Variants in GOLPH3L observed in about 807,000 individuals in gnomAD.
GOLPH3L encodes golgi phosphoprotein 3 like.
Under a neutral mutation model 30.3 loss-of-function variants are expected in GOLPH3L, and 22 were observed. That is an observed-to-expected ratio of 0.73 (90% CI 0.52 to 1.04). GOLPH3L has a LOEUF of 1.04. Ranked by LOEUF, GOLPH3L falls within the 50% of genes least tolerant of loss-of-function variation. GOLPH3L has a pLI of 0.00. For missense variants in GOLPH3L, 303 were observed against 345.8 expected (o/e 0.88, Z 0.98); for synonymous variants, 120 against 128.2 (o/e 0.94, Z 0.43).
Position 150,648,596 on chromosome 1 carries a change from C to T in GOLPH3L, c.583G>A (p.Glu195Lys). Reference sequence around the variant, plus strand: ...AGTTTTTTCACTAGTCGCTGTTTCTCTGTTGTATTGGTCACTGGATGAGTA... The same window carrying T: ...AGTTTTTTCACTAGTCGCTGTTTCTTTGTTGTATTGGTCACTGGATGAGTA... The part of the protein sequence containing the change: ...MTTHPVTNTT[E>K]KQRLVKKLQD... The change falls in exon 5 of 5, where the codon GAG (glutamate) becomes AAG (lysine). Residue 195 changes from glutamate to lysine, a missense_variant. Transcript: ENST00000271732. 2.5e-6 allele frequency: 4 copies of T among 1,614,040 alleles called. No individual in the cohort carries two copies. The highest frequency in any genetic ancestry group is 3.4e-6 in the Non-Finnish European group (4 of 1,179,976).
At chr1:150,671,574 AGGCGGGC>A (rs1650644542) in intron 2 of GOLPH3L, among the ~76,000 whole-genome samples, 2 of 152,060 alleles carry the variant, frequency 1.3e-5, no homozygotes, top group African/African-American at 4.8e-5. Flanking sequence ...TGGGAGGCCA[AGGCGGGC>A]GGATCACCTA....
At chr1:150,667,215 T>G (rs1213525791) in intron 2 of GOLPH3L, among the ~76,000 whole-genome samples, 1 of 152,198 alleles carries the variant, frequency 6.6e-6, no homozygotes, top group African/African-American at 2.4e-5. Context: ...TCTTGGATTT[T>G]AATTTTGGTG....
At chr1:150,693,657 A>C (rs892287096) in intron 2 of GOLPH3L, among the ~76,000 whole-genome samples, 5 of 151,680 alleles carry the variant, frequency 3.3e-5, no homozygotes, top group Admixed American at 3.3e-4. Flanking sequence ...TGGTTATATC[A>C]CAAGACTCAG....
At chr1:150,663,823 G>A (rs2101790512) in intron 2 of GOLPH3L, 60 bp from the exon 3 acceptor site, 1 of 1,491,620 alleles carries the variant, frequency 6.7e-7, no homozygotes, top group Admixed American at 1.7e-5. Context: ...ACTTCCAGCA[G>A]GCACCCTAAG....
intron 2 of GOLPH3L, among the ~76,000 whole-genome samples, chr1:150,678,261 G>T (rs1383463645): frequency 1.1e-5 from 1 of 92,876 alleles, no homozygotes; most frequent in East Asian, 2.9e-4. Context: ...ATCGCCTTGG[G>T]CAACAAGATC....
rs980430062 is a variant in GOLPH3L, at chr1:150,661,152, C to T, written c.430+662G>A. On this transcript the variant is annotated intron_variant, in intron 4 of 4. Coordinates refer to ENST00000271732, the MANE Select transcript of GOLPH3L (RefSeq NM_018178.6). Reference sequence around the variant, plus strand: ...CTGAGGCAGGAGAATTGCTTGAACCCGGGAGGCAGAGGTTGCAGTGAGCTG... The same window carrying T: ...CTGAGGCAGGAGAATTGCTTGAACCTGGGAGGCAGAGGTTGCAGTGAGCTG... Among the ~76,000 whole-genome samples, 11 of 152,186 alleles carry T rather than the reference C, an allele frequency of 7.2e-5. No individual in the cohort carries two copies. The South Asian group carries it at 1.9e-3, about 26-fold the overall frequency.
chr1:150,672,049 A>C (rs587760939), intron 2 of GOLPH3L, among the ~76,000 whole-genome samples: 1 of 152,088 alleles, frequency 6.6e-6, no homozygotes, highest in Non-Finnish European at 1.5e-5. Flanking sequence ...ATCACTTTTT[A>C]AAGGAAAATT....
chr1:150,658,101 C>A (rs1208045766), intron 4 of GOLPH3L, among the ~76,000 whole-genome samples: 2 of 152,302 alleles, frequency 1.3e-5, no homozygotes. Flanking sequence ...TTATCATGAG[C>A]CAGATGCCGA....
intron 3 of GOLPH3L, 72 bp downstream of exon 3, chr1:150,663,546 ACTACTCAAATCTTT>A: frequency 8.2e-7 from 1 of 1,213,038 alleles, no homozygotes. Context: ...ATTTTATCTT[ACTACTCAAATCTTT>A]CTATTCTTCC....
intron 2 of GOLPH3L, among the ~76,000 whole-genome samples, chr1:150,666,580 T>G (rs891018299): frequency 1.3e-5 from 2 of 152,016 alleles, no homozygotes; most frequent in African/African-American, 4.8e-5. Context: ...TCAGGTGATC[T>G]GCCTGCCTCA....
In GOLPH3L at chr1:150,648,347, C is replaced by T. The variant is rs752741549; in HGVS notation, c.832G>A (p.Val278Met). The change falls in exon 5 of 5, where the codon GTG becomes ATG. Residue 278 changes from valine (V) to methionine (M), a missense_variant. Coordinates refer to ENST00000271732, the MANE Select transcript of GOLPH3L (RefSeq NM_018178.6). The stretch of plus-strand genomic sequence containing the variant: ...TAAGATTTATTGAAGGCTGCCAGCA[C>T]AGCCCAGATCATTTCTGTGGCACTA... ...KPSATEMIWA[V>M]LAAFNKS The T allele has an allele frequency of 1.2e-6, 2 of 1,609,726 alleles. No individual in the cohort carries two copies. The highest frequency in any genetic ancestry group is 2.2e-5 in the South Asian group (2 of 90,646).
intron 2 of GOLPH3L, chr1:150,694,429 T>G (rs932917837): frequency 2.4e-6 from 1 of 420,270 alleles, no homozygotes; most frequent in Non-Finnish European, 4.2e-6. Context: ...CTCCTGTATC[T>G]TCTAAAATTT....
chr1:150,674,152 C>T (rs938661981), intron 2 of GOLPH3L, among the ~76,000 whole-genome samples: 1 of 151,890 alleles, frequency 6.6e-6, no homozygotes, highest in African/African-American at 2.4e-5. Context: ...TCTTAAGGGA[C>T]AACTTCAAAA....
At chr1:150,685,910 T>C (rs1651076937) in intron 2 of GOLPH3L, among the ~76,000 whole-genome samples, 1 of 148,182 alleles carries the variant, frequency 6.7e-6, no homozygotes, top group South Asian at 2.2e-4. Context: ...AGTCTTGCTC[T>C]GTTGCCCAGG....
chr1:150,677,624 ATTTC>A (rs1650842450), intron 2 of GOLPH3L, among the ~76,000 whole-genome samples: 1 of 149,524 alleles, frequency 6.7e-6, no homozygotes, highest in Non-Finnish European at 1.5e-5. Flanking sequence ...AACTTCAAAC[ATTTC>A]TTTTTTTTTT....
intron 4 of GOLPH3L, among the ~76,000 whole-genome samples, chr1:150,653,950 A>G (rs906265886): frequency 2.0e-5 from 3 of 151,484 alleles, no homozygotes; most frequent in African/African-American, 7.3e-5. Context: ...TTCAGTACAG[A>G]CGGGGTTTCA....
At chr1:150,689,041 A>C (rs1276682523) in intron 2 of GOLPH3L, among the ~76,000 whole-genome samples, 1 of 152,140 alleles carries the variant, frequency 6.6e-6, no homozygotes, top group Non-Finnish European at 1.5e-5. Context: ...ATGACATATG[A>C]GTCATTCAAT....
intron 2 of GOLPH3L, among the ~76,000 whole-genome samples, chr1:150,681,731 G>C (rs1300843147): frequency 1.3e-5 from 2 of 152,016 alleles, no homozygotes; most frequent in African/African-American, 4.8e-5. Flanking sequence ...GAAAAAGAAG[G>C]CTACAAAATG....
chr1:150,653,974 G>T (rs1650184637), intron 4 of GOLPH3L, among the ~76,000 whole-genome samples: 3 of 151,598 alleles, frequency 2.0e-5, no homozygotes, highest in East Asian at 2.0e-4. Context: ...TGTTGGCCAG[G>T]CTGGTGTTGA....
Sources: allele counts gnomAD v4.1 joint callset (sites outside exome capture counted in the v4.1 genomes callset), GRCh38; gene constraint gnomAD v4.1.1; transcripts MANE v1.5; gene names NCBI Gene and HGNC (gene_info 2026-07-23, HGNC 2026-07-21).